The following NTM variants were observed in gnomAD, a reference collection of about 807,000 sequenced individuals.
The protein encoded by NTM is neurotrimin, also known as IgLON family member 2.
A neutral mutation model predicts 42.1 loss-of-function variants in NTM; 13 were observed. The ratio of observed to expected loss-of-function variants is 0.31; its 90% CI spans 0.20 to 0.49. The LOEUF (loss-of-function observed/expected upper bound fraction) is 0.49, where lower values mean the gene tolerates loss of function less well. Among genes scored for constraint, NTM ranks in the 20% least tolerant of loss-of-function variants. The pLI, the probability that NTM is intolerant of heterozygous loss-of-function variation, is 0.99. For synonymous variants in NTM, 187 were observed against 179.2 expected (o/e 1.04, Z -0.35); for missense variants, 373 against 452.8 (o/e 0.82, Z 1.60).
intron 2 of NTM, among the ~76,000 whole-genome samples, chr11:132,031,357 A>G (rs2075893206): frequency 6.6e-6 from 1 of 152,210 alleles, no homozygotes; most frequent in Non-Finnish European, 1.5e-5. Context: ...AATAGACTCC[A>G]AGGGTCAAGT....
intron 1 of NTM, among the ~76,000 whole-genome samples, chr11:131,839,834 G>A (rs918091533): frequency 6.6e-6 from 1 of 152,252 alleles, no homozygotes; most frequent in African/African-American, 2.4e-5. Flanking sequence ...GCCCAGGCCA[G>A]GGTGGTAGCA....
chr11:131,718,359 G>A (rs1201553024), intron 1 of NTM, among the ~76,000 whole-genome samples: 3 of 152,092 alleles, frequency 2.0e-5, no homozygotes, highest in Non-Finnish European at 4.4e-5. Context: ...TTTGTGGAAG[G>A]ACTTTTTTCT....
chr11:132,222,461 T>C (rs1359275139), intron 4 of NTM, among the ~76,000 whole-genome samples: 1 of 152,228 alleles, frequency 6.6e-6, no homozygotes, highest in African/African-American at 2.4e-5. Flanking sequence ...CTTTCTTATC[T>C]GAGTCTGTTC....
chr11:131,556,980 T>A (rs997665807), intron 1 of NTM, among the ~76,000 whole-genome samples: 1 of 152,200 alleles, frequency 6.6e-6, no homozygotes. Flanking sequence ...GTGTACACAC[T>A]GTCTTGGTGT....
rs151255763 is a variant in NTM at position 131,881,317 on chromosome 11, G to A, written c.83-30247G>A. Among the ~76,000 whole-genome samples the A allele has an allele frequency of 3.3e-4, 50 of 152,268 alleles. No homozygotes were observed. In the East Asian group the frequency reaches 9.3e-3, roughly 28 times the overall value. On this transcript the variant is annotated intron_variant, in intron 1 of 8. Coordinates refer to ENST00000683400, the MANE Select transcript of NTM (RefSeq NM_001352005.2). ...ACCCTCCTCTCAACGGTTTGAGGGA[G>A]CACTTCAGTAGTGAAAGGTACATGG... is the stretch of plus-strand genomic sequence containing the variant.
intron 4 of NTM, among the ~76,000 whole-genome samples, chr11:132,236,186 GCTC>G (rs2088849681): frequency 6.6e-6 from 1 of 152,134 alleles, no homozygotes. Flanking sequence ...TGAGTGAAGT[GCTC>G]TACATCTGTG....
chr11:131,933,579 C>T (rs1003433635), intron 2 of NTM, among the ~76,000 whole-genome samples: 2 of 152,128 alleles, frequency 1.3e-5, no homozygotes, highest in African/African-American at 4.8e-5. Context: ...GAACTTGAAA[C>T]TAATGGCTCT....
intron 1 of NTM, among the ~76,000 whole-genome samples, chr11:131,432,033 T>G (rs897047261): frequency 6.6e-6 from 1 of 151,840 alleles, no homozygotes. Context: ...ATTTAATGAG[T>G]GCAGGAGGTT....
chr11:131,657,796 T>G (rs974872480), intron 1 of NTM, among the ~76,000 whole-genome samples: 1 of 152,250 alleles, frequency 6.6e-6, no homozygotes, highest in African/African-American at 2.4e-5. Flanking sequence ...CAACTCATTT[T>G]GCAGAAAACC....
At chr11:132,069,936 G>T (rs897867874) in intron 2 of NTM, among the ~76,000 whole-genome samples, 5 of 143,604 alleles carry the variant, frequency 3.5e-5, no homozygotes, top group Non-Finnish European at 7.5e-5. Context: ...GACCATCACA[G>T]GTTAGTTAAC....
At chr11:131,855,187 T>A (rs191797712) in intron 1 of NTM, among the ~76,000 whole-genome samples, 9 of 152,258 alleles carry the variant, frequency 5.9e-5, no homozygotes, top group Non-Finnish European at 1.0e-4. Flanking sequence ...AGCGGAGGAC[T>A]TTTTACCCAG....
At chr11:131,931,421 A>G (rs2058588743) in intron 2 of NTM, among the ~76,000 whole-genome samples, 4 of 151,936 alleles carry the variant, frequency 2.6e-5, no homozygotes, top group Admixed American at 2.6e-4. Context: ...CCTGGGCTAC[A>G]GAACAAGACA....
intron 1 of NTM, among the ~76,000 whole-genome samples, chr11:131,685,788 G>C (rs1296683569): frequency 6.6e-6 from 1 of 152,138 alleles, no homozygotes; most frequent in African/African-American, 2.4e-5. Flanking sequence ...AGTTCCACAC[G>C]AGCAGGGACA....
chr11:132,188,328 G>A (rs865936735), intron 3 of NTM, among the ~76,000 whole-genome samples: 2 of 152,174 alleles, frequency 1.3e-5, no homozygotes, highest in Admixed American at 1.3e-4. Context: ...TGAGAAAAGT[G>A]CCTGGCTGAG....
chr11:132,330,235 A>C, intron 8 of NTM, 50 bp downstream of exon 8: 1 of 1,474,624 alleles, frequency 6.8e-7, no homozygotes, highest in Non-Finnish European at 9.1e-7. Flanking sequence ...TGGGGTATGT[A>C]AAACTCTTCA....
intron 2 of NTM, among the ~76,000 whole-genome samples, chr11:132,064,307 A>G (rs1224740456): frequency 2.0e-5 from 3 of 152,224 alleles, no homozygotes; most frequent in Non-Finnish European, 4.4e-5. Context: ...TAATCTATCT[A>G]TCTACCTATC....
chr11:131,913,332 A>AT (rs35832003), intron 2 of NTM, among the ~76,000 whole-genome samples: 27,201 of 150,602 alleles, frequency 0.18, 2,809 homozygotes, highest in South Asian at 0.29. Context: ...TATAAATGGG[A>AT]TTTTTTTTTT....
chr11:131,442,454 T>C (rs964761421), intron 1 of NTM, among the ~76,000 whole-genome samples: 1 of 152,176 alleles, frequency 6.6e-6, no homozygotes, highest in African/African-American at 2.4e-5. Flanking sequence ...GTTGTACCCA[T>C]GCAGGTTTGT....
intron 1 of NTM, among the ~76,000 whole-genome samples, chr11:131,520,429 T>C (rs1459775596): frequency 6.6e-6 from 1 of 152,160 alleles, no homozygotes; most frequent in Non-Finnish European, 1.5e-5. Context: ...AGGAGTCCAC[T>C]GGGCGGCATT....
Sources: allele counts gnomAD v4.1 joint callset (sites outside exome capture counted in the v4.1 genomes callset), GRCh38; gene constraint gnomAD v4.1.1; transcripts MANE v1.5; gene names NCBI Gene and HGNC (gene_info 2026-07-23, HGNC 2026-07-21).